CCDC181: variants seen among roughly 807,000 people sequenced by gnomAD.
CCDC181 encodes coiled-coil domain-containing protein 181.
A neutral mutation model predicts 58.7 loss-of-function variants in CCDC181; 35 were observed. The ratio of observed to expected loss-of-function variants is 0.60; its 90% CI spans 0.46 to 0.79. The LOEUF is 0.79. Among genes scored for constraint, CCDC181 ranks in the 30% least tolerant of loss-of-function variants. The pLI, the probability that CCDC181 is intolerant of heterozygous loss-of-function variation, is 0.00. For synonymous variants in CCDC181, 183 were observed against 197.5 expected (o/e 0.93, Z 0.62); for missense variants, 517 against 583.9 (o/e 0.89, Z 1.18).
intron 2 of CCDC181, among the ~76,000 whole-genome samples, chr1:169,458,451 G>T (rs1425826527): frequency 6.6e-6 from 1 of 151,900 alleles, no homozygotes; most frequent in Non-Finnish European, 1.5e-5. Context: ...TGATATAAAT[G>T]AACAATTTGA....
At chr1:169,454,441 A>G (rs568875912) in intron 2 of CCDC181, 16 of 152,174 alleles carry the variant, frequency 1.1e-4, no homozygotes, top group South Asian at 1.0e-3. Flanking sequence ...GAGCTGCTCA[A>G]TTAATTGAAG....
chr1:169,410,568 C>T (rs1655911382), intron 4 of CCDC181, among the ~76,000 whole-genome samples: 1 of 152,182 alleles, frequency 6.6e-6, no homozygotes, highest in African/African-American at 2.4e-5. Flanking sequence ...GAACTCTCCA[C>T]CTTAAATCAA....
chr1:169,460,249 A>G (rs1657806538), intron 1 of CCDC181: 1 of 152,236 alleles, frequency 6.6e-6, no homozygotes, highest in Admixed American at 6.5e-5. Flanking sequence ...GCCCTTCCCA[A>G]TACCTGATGT....
chr1:169,440,931 T>TAAAAAAAAAAAAAAA lies in CCDC181; in HGVS notation c.-23-15982_-23-15981insTTTTTTTTTTTTTTT, dbSNP rs72040890. On this transcript the variant is annotated intron_variant, in intron 2 of 6. Coordinates refer to the CCDC181 transcript ENST00000545005. ...GCCCAGGCAACAGAGCAAGACTGTC[T>TAAAAAAAAAAAAAAA]AAAAAAAAAAAAAAGGCAAGATGAG... Among the ~76,000 whole-genome samples, 123 of 76,858 alleles carry TAAAAAAAAAAAAAAA rather than the reference T, an allele frequency of 1.6e-3. 12 individuals are homozygous for TAAAAAAAAAAAAAAA. The highest frequency in any genetic ancestry group is 2.1e-3 in the Non-Finnish European group (78 of 36,512). The allele number at this position is 76,858 out of a possible 152,430, so 50.4% of individuals were successfully genotyped here.
chr1:169,431,858 G>T (rs1656928438), upstream of CCDC181, among the ~76,000 whole-genome samples: 1 of 152,124 alleles, frequency 6.6e-6, no homozygotes, highest in Non-Finnish European at 1.5e-5. Flanking sequence ...CGCCATTGTT[G>T]TTGCACCTTC....
chr1:169,440,778 C>CA (rs1307449733), intron 2 of CCDC181, among the ~76,000 whole-genome samples: 4 of 151,154 alleles, frequency 2.6e-5, no homozygotes, highest in Non-Finnish European at 5.9e-5. Context: ...CAAAACAAAA[C>CA]AAAAAAATAG....
Position 169,421,980 on chromosome 1 carries a change from T to C in CCDC181, c.451A>G (p.Lys151Glu). The C allele has an allele frequency of 6.2e-7, 1 of 1,614,074 alleles. No homozygotes were observed. The change falls in exon 3 of 6, where the codon AAA becomes GAA. Residue 151 changes from lysine to glutamate, a missense_variant. Transcript: ENST00000367806. The part of the protein sequence containing the change: ...QEPVNDKRER[K>E]LKFKDQLVDL... ...ACTAACTGGTCCTTGAACTTAAGTT[T>C]TCGCTCCCTTTTATCATTCACCGGT...
chr1:169,417,931 G>T (rs948129376), intron 4 of CCDC181, among the ~76,000 whole-genome samples: 2 of 152,094 alleles, frequency 1.3e-5, no homozygotes, highest in Non-Finnish European at 2.9e-5. Flanking sequence ...TCTCACACAT[G>T]CTCATATACA....
rs1654932772 is a variant in CCDC181 at position 169,395,025 on chromosome 1, C to G, written c.*22G>C. ...CCAAAATTTTGATAGCAGCTGCCCA[C>G]TGAAATATTTAATAGAAACTTTCAG... On this transcript the variant is annotated 3_prime_UTR_variant, in exon 6 of 6. Coordinates refer to ENST00000367806, the MANE Select transcript of CCDC181 (RefSeq NM_001300969.2). 1 of 1,561,308 alleles carries G rather than the reference C, an allele frequency of 6.4e-7. No homozygotes were observed. Among genetic ancestry groups the G allele is most frequent in the Non-Finnish European group, 8.7e-7 (1 of 1,155,318 alleles).
In CCDC181 at chr1:169,425,024, G is replaced by A. The variant is rs549937650; in HGVS notation, c.-23-74C>T. On this transcript the variant is annotated intron_variant, in intron 1 of 5. Transcript: ENST00000367806. ...GGAATGGAGTATGGAGATTAATGCT[G>A]TAGGTAAGCTAATTAACACAGAGAA... 1.7e-5 allele frequency: 10 copies of A among 602,468 alleles called. No homozygotes were observed. In the South Asian group the frequency reaches 2.6e-4, roughly 16 times the overall value. 37.3% of individuals were successfully genotyped at this position (602,468 alleles called of 1,614,324 possible).
rs780516052 is a variant in CCDC181 at position 169,421,384 on chromosome 1, CTT to C, written c.1045_1046del (p.Lys349GlufsTer24). On this transcript the variant is annotated frameshift_variant, in exon 3 of 6. Transcript: ENST00000367806. LOFTEE classifies it high-confidence loss of function. ...TCACCTCTCTTTTCAGTTTTTCTCTCTTTTCTTCTAGTTGTTTTTGTAGTTCT... is the reference window on the plus strand; with the variant it reads ...TCACCTCTCTTTTCAGTTTTTCTCTCTTCTTCTAGTTGTTTTTGTAGTTCT... ...QKELQKQLEE[K>X]REKLKREEER... 5 of 1,608,888 alleles carry C rather than the reference CTT, an allele frequency of 3.1e-6. No individual in the cohort carries two copies. In the East Asian group the frequency reaches 6.7e-5, roughly 22 times the overall value.
intron 2 of CCDC181, among the ~76,000 whole-genome samples, chr1:169,445,488 C>A (rs566503504): frequency 6.6e-6 from 1 of 152,234 alleles, no homozygotes; most frequent in East Asian, 1.9e-4. Context: ...TGGAATAAAT[C>A]TCATTTCGTA....
chr1:169,421,758 A>C lies in CCDC181; in HGVS notation c.673T>G (p.Phe225Val). 1.2e-6 allele frequency: 2 copies of C among 1,614,006 alleles called. No individual in the cohort carries two copies. Among genetic ancestry groups the C allele is most frequent in the Non-Finnish European group, 1.7e-6 (2 of 1,179,978 alleles). The change falls in exon 3 of 6, where the codon TTT becomes GTT. Residue 225 changes from phenylalanine (F) to valine (V), a missense_variant. Phe to Val is a conservative substitution (Grantham distance 50). Transcript: ENST00000367806. ...ATGTCTTGTAAATTCAGAAGTTCAA[A>C]TTTTCCATCTCTCTCTACCAGTATT... ...RTILVERDGK[F>V]ELLNLQDIAS...
chr1:169,397,124 G>T, intron 5 of CCDC181, 113 bp downstream of exon 5: 1 of 846,222 alleles, frequency 1.2e-6, no homozygotes, highest in Non-Finnish European at 1.7e-6. Flanking sequence ...ATAGGTACGT[G>T]CTGTAAGAGA....
At chr1:169,414,754 A>G (rs1242151095) in intron 4 of CCDC181, among the ~76,000 whole-genome samples, 2 of 152,238 alleles carry the variant, frequency 1.3e-5, no homozygotes, top group East Asian at 3.8e-4. Context: ...TTTTCTGGAA[A>G]CTATGACTCA....
At chr1:169,448,899 C>T (rs1657455715) in intron 2 of CCDC181, among the ~76,000 whole-genome samples, 2 of 151,992 alleles carry the variant, frequency 1.3e-5, no homozygotes. Flanking sequence ...TTCTGTTTCC[C>T]TATCTTCTAG....
rs1316243321 is a variant in CCDC181, at chr1:169,397,374, T to C, written c.1233A>G (p.Pro411=). 6.2e-7 allele frequency: 1 copy of C among 1,607,346 alleles called. No homozygotes were observed. Among genetic ancestry groups the C allele is most frequent in the African/African-American group, 1.3e-5 (1 of 74,506 alleles). ...DMNSRQENRD[P]QQAFRLWLKK... The stretch of plus-strand genomic sequence containing the variant: ...TAAGCCATAATCGAAAAGCTTGTTG[T>C]GGATCTCTGTTTTCCTGCTGATTAG... Residue 411 remains proline (P), a synonymous_variant, in exon 5 of 6, where the codon CCA becomes CCG. Transcript: ENST00000367806.
At chr1:169,435,500 T>C (rs1353606191) in intron 2 of CCDC181, among the ~76,000 whole-genome samples, 3 of 152,190 alleles carry the variant, frequency 2.0e-5, no homozygotes, top group African/African-American at 7.2e-5. Context: ...GACTGATTGA[T>C]ATATGGCTCA....
chr1:169,434,243 G>T (rs1426991779), intron 2 of CCDC181, among the ~76,000 whole-genome samples: 5 of 151,940 alleles, frequency 3.3e-5, no homozygotes. Context: ...ACCACTATGA[G>T]ATACCACCCT....
Sources: allele counts gnomAD v4.1 joint callset (sites outside exome capture counted in the v4.1 genomes callset), GRCh38; gene constraint gnomAD v4.1.1; transcripts MANE v1.5; gene names NCBI Gene and HGNC (gene_info 2026-07-23, HGNC 2026-07-21).